UBFD1: variants seen among roughly 807,000 people sequenced by gnomAD.
UBFD1 encodes ubiquitin domain-containing protein UBFD1.
Under a neutral mutation model 35.1 loss-of-function variants are expected in UBFD1, and 12 were observed. The ratio of observed to expected loss-of-function variants is 0.34; its 90% CI spans 0.22 to 0.55. The LOEUF (loss-of-function observed/expected upper bound fraction) is 0.55, where lower values mean the gene tolerates loss of function less well. Ranked by LOEUF, UBFD1 falls within the 20% of genes least tolerant of loss-of-function variation. UBFD1 has a pLI of 0.89. For synonymous variants in UBFD1, 178 were observed against 167.6 expected, an observed-to-expected ratio of 1.06 and a Z score of -0.48; for missense variants, 337 against 410.8, an observed-to-expected ratio of 0.82 and a Z score of 1.55.
At chr16:23,566,841 G>A (rs2142219422) in intron 5 of UBFD1, 146 bp from the exon 6 acceptor site, 1 of 706,742 alleles carries the variant, frequency 1.4e-6, no homozygotes, top group Non-Finnish European at 2.4e-6. Flanking sequence ...AGAAGACCCT[G>A]TCGTGTTGTC....
intron 5 of UBFD1, among the ~76,000 whole-genome samples, chr16:23,562,998 A>G (rs1425268334): frequency 6.6e-6 from 1 of 152,230 alleles, no homozygotes; most frequent in Non-Finnish European, 1.5e-5. Context: ...CACGTGGCCC[A>G]AGGGCCAAAT....
Position 23,566,983 on chromosome 16 carries a change from T to C in UBFD1, c.737-4T>C. On this transcript the variant is annotated splice_polypyrimidine_tract_variant and splice_region_variant and intron_variant, in intron 5 of 6. Transcript: ENST00000395878. ...AATAATCACTGTAATCCCTCTCAAC[T>C]TAGAGCGGACTGAGAAATTGCCCAT... 1 of 1,614,018 alleles carries C rather than the reference T, an allele frequency of 6.2e-7. No homozygotes were observed. The highest frequency in any genetic ancestry group is 8.5e-7 in the Non-Finnish European group (1 of 1,179,924).
At chr16:23,560,273 C>T (rs1965911047) in intron 3 of UBFD1, among the ~76,000 whole-genome samples, 1 of 152,168 alleles carries the variant, frequency 6.6e-6, no homozygotes. Flanking sequence ...GTCTTGTGCT[C>T]ATCATAGCCA....
rs1966078345 is a variant in UBFD1, at chr16:23,571,107, A to G, written c.*517A>G. On this transcript the variant is annotated 3_prime_UTR_variant, in exon 7 of 7. Coordinates refer to ENST00000395878, the MANE Select transcript of UBFD1 (RefSeq NM_019116.3). ...GTTAGTAAGCCACATATTTCTGTCCATTGATTCAGATTTAATTCTTTCCCT... is the reference window on the plus strand; with the variant it reads ...GTTAGTAAGCCACATATTTCTGTCCGTTGATTCAGATTTAATTCTTTCCCT... The G allele has an allele frequency of 6.6e-6, 1 of 152,176 alleles. No homozygotes were observed. Among genetic ancestry groups the G allele is most frequent in the African/African-American group, 2.4e-5 (1 of 41,278 alleles). 9.4% of individuals were successfully genotyped at this position (152,176 alleles called of 1,614,324 possible). A position where few individuals can be genotyped will look rare whatever the true frequency, so the allele number is the denominator to read the frequency against.
intron 5 of UBFD1, 58 bp from the exon 6 acceptor site, chr16:23,566,929 C>T (rs2142219507): frequency 6.5e-7 from 1 of 1,549,292 alleles, no homozygotes; most frequent in Non-Finnish European, 8.9e-7. Flanking sequence ...ACTGCTGAGT[C>T]AGAGAAGTTA....
intron 3 of UBFD1, among the ~76,000 whole-genome samples, chr16:23,560,731 T>G (rs1965920139): frequency 2.0e-5 from 3 of 152,192 alleles, no homozygotes; most frequent in Admixed American, 2.0e-4. Context: ...CAATATTATC[T>G]TTATAAAAAT....
chr16:23,558,783 A>AC (rs1448891568), intron 2 of UBFD1, among the ~76,000 whole-genome samples: 2 of 136,980 alleles, frequency 1.5e-5, no homozygotes, highest in Non-Finnish European at 3.2e-5. Context: ...TCTTTTTCCT[A>AC]TTTTTTTTTT....
rs762853952 is a variant in UBFD1, at chr16:23,558,083, C to T, written c.159C>T (p.Ser53=). ...AAEDSGAARG[S]LQPAPAQPPG... ...AGGACTCCGGCGCCGCACGAGGCAG[C>T]CTGCAGCCGGCCCCGGCCCAGCCCC... The change falls in exon 2 of 7, where the codon AGC becomes AGT. Residue 53 remains serine (S), a synonymous_variant. Coordinates refer to ENST00000395878, the MANE Select transcript of UBFD1 (RefSeq NM_019116.3). 4.7e-6 allele frequency: 7 copies of T among 1,484,916 alleles called. No individual in the cohort carries two copies. Among genetic ancestry groups the T allele is most frequent in the Admixed American group, 2.8e-5 (1 of 35,594 alleles). The allele number at this position is 1,484,916 out of a possible 1,614,324, so 92.0% of individuals were successfully genotyped here.
rs1966091586 is a variant in UBFD1, at chr16:23,572,022, C to G, written c.*1432C>G. 1 of 152,626 alleles carries G rather than the reference C, an allele frequency of 6.6e-6. No homozygotes were observed. Among genetic ancestry groups the G allele is most frequent in the South Asian group, 2.1e-4 (1 of 4,826 alleles). 9.5% of individuals were successfully genotyped at this position (152,626 alleles called of 1,614,324 possible). ...TGTTCCAAACATCACATTTTGGATT[C>G]TAGGCTGTCACCCCTCATTCTGTGA... On this transcript the variant is annotated 3_prime_UTR_variant, in exon 7 of 7. Coordinates refer to ENST00000395878, the MANE Select transcript of UBFD1 (RefSeq NM_019116.3).
chr16:23,557,825 T>A, intron 1 of UBFD1, 58 bp downstream of exon 1: 1 of 1,274,544 alleles, frequency 7.8e-7, no homozygotes, highest in Non-Finnish European at 9.9e-7. Flanking sequence ...GTCGCTCCTC[T>A]GGGGGATGCG....
intron 5 of UBFD1, among the ~76,000 whole-genome samples, chr16:23,563,665 C>T (rs867387546): frequency 6.6e-6 from 1 of 152,204 alleles, no homozygotes; most frequent in Non-Finnish European, 1.5e-5. Flanking sequence ...TGTTTAAGGA[C>T]ACATTCAAAT....
chr16:23,566,814 C>A (rs377203860), intron 5 of UBFD1, 173 bp from the exon 6 acceptor site: 2 of 582,710 alleles, frequency 3.4e-6, no homozygotes, highest in Non-Finnish European at 6.1e-6. Flanking sequence ...CCACACGAAG[C>A]CCTATGTGCA....
intron 3 of UBFD1, among the ~76,000 whole-genome samples, chr16:23,560,660 C>T (rs186847145): frequency 2.6e-4 from 40 of 152,156 alleles, no homozygotes; most frequent in Non-Finnish European, 4.7e-4. Context: ...TGTGAATTTT[C>T]CTCTTTGGTG....
intron 3 of UBFD1, 134 bp from the exon 4 acceptor site, chr16:23,562,072 G>A: frequency 1.3e-6 from 1 of 752,636 alleles, no homozygotes; most frequent in Non-Finnish European, 2.2e-6. Flanking sequence ...TAGTTTCAAA[G>A]GATCCATAGT....
intron 5 of UBFD1, chr16:23,566,534 G>C (rs1416609539): frequency 6.5e-6 from 1 of 153,506 alleles, no homozygotes; most frequent in East Asian, 1.9e-4. Flanking sequence ...CTAATTTTTT[G>C]TATTTTTAGT....
intron 2 of UBFD1, chr16:23,559,245 C>A: frequency 2.2e-6 from 1 of 454,384 alleles, no homozygotes; most frequent in Non-Finnish European, 4.0e-6. Context: ...CCGCATTGGT[C>A]TCTTAATCCT....
In UBFD1 at chr16:23,559,481, C is replaced by T. The variant is rs1320678674; in HGVS notation, c.369C>T (p.Ala123=). The change falls in exon 3 of 7, where the codon GCC becomes GCT. Residue 123 remains alanine (A), a synonymous_variant. Transcript: ENST00000395878. ...CCTTTTCCCAAGGTCTCCCGCCTGC[C>T]ATGCAGAAAGTCATGTATAAGGGAC... ...KIHSITGLPP[A]MQKVMYKGLV... 1 of 1,613,622 alleles carries T rather than the reference C, an allele frequency of 6.2e-7. No individual in the cohort carries two copies. Among genetic ancestry groups the T allele is most frequent in the Non-Finnish European group, 8.5e-7 (1 of 1,179,982 alleles).
chr16:23,562,326 C>T (rs1965948262), intron 4 of UBFD1, 55 bp downstream of exon 4: 1 of 1,505,686 alleles, frequency 6.6e-7, no homozygotes, highest in Non-Finnish European at 9.2e-7. Flanking sequence ...CACCGTCTGA[C>T]TTGAGGTTCC....
At position 23,558,060 on chromosome 16, in the gene UBFD1, G is replaced by A. The variant is rs928422516; in HGVS notation, c.136G>A (p.Asp46Asn). The A allele has an allele frequency of 7.4e-7, 1 of 1,357,858 alleles. No individual in the cohort carries two copies. The highest frequency in any genetic ancestry group is 9.5e-7 in the Non-Finnish European group (1 of 1,058,182). 84.1% of individuals were successfully genotyped at this position (1,357,858 alleles called of 1,614,324 possible). ...AGCCGCGGCGGGGGCGGCGGCCGAG[G>A]ACTCCGGCGCCGCACGAGGCAGCCT... ...AEAAAGAAAE[D>N]SGAARGSLQP... is the part of the protein sequence containing the mutation. Residue 46 changes from aspartate (D) to asparagine (N), a missense_variant, in exon 2 of 7, where the codon GAC becomes AAC. Physicochemically the swap from Asp to Asn is conservative, Grantham distance 23 (BLOSUM62 1). Around this residue, in one of 4 missense-constraint regions of UBFD1, gnomAD observed 198 missense variants for 168.4 expected, o/e 1.18. Coordinates refer to ENST00000395878, the MANE Select transcript of UBFD1 (RefSeq NM_019116.3).
Sources: gnomAD v4.1 joint callset for allele counts (sites outside exome capture counted in the v4.1 genomes callset) on GRCh38, gnomAD v4.1.1 for gene constraint, gnomAD v4.1.1 regional missense constraint, MANE v1.5 for transcripts, NCBI Gene and HGNC (gene_info 2026-07-23, HGNC 2026-07-21) for gene names.